LONRF1: variants seen among roughly 807,000 people sequenced by gnomAD.
The protein encoded by LONRF1 is LON peptidase N-terminal domain and RING finger protein 1.
LONRF1 carries 37 observed loss-of-function variants against 85.8 expected under a neutral mutation model. The observed-to-expected ratio is 0.43, with a 90% CI of 0.33 to 0.57. LONRF1 has a LOEUF of 0.57. LONRF1 is among the 20% of genes least tolerant of loss of function. The pLI is 0.04. For synonymous variants in LONRF1, 517 were observed against 390.1 expected, an observed-to-expected ratio of 1.33 and a Z score of -3.83; for missense variants, 1,036 against 978.0, an observed-to-expected ratio of 1.06 and a Z score of -0.79.
In LONRF1 at chr8:12,754,989, G is replaced by A. The variant is rs1799579775; in HGVS notation, c.432C>T (p.Arg144=). 7 of 1,491,830 alleles carry A rather than the reference G, an allele frequency of 4.7e-6. No individual in the cohort carries two copies. Among genetic ancestry groups the A allele is most frequent in the Non-Finnish European group, 6.2e-6 (7 of 1,127,386 alleles). The allele number at this position is 1,491,830 out of a possible 1,614,324, so 92.4% of individuals were successfully genotyped here. The change falls in exon 1 of 12, where the codon CGC becomes CGT. Residue 144 remains arginine (R), a synonymous_variant. Transcript: ENST00000398246. ...CGCGGAGTTCCCTCCGCAGGCAGCGGCGGCAGTAGCTGTGGCCACAGGGCA... is the reference window on the plus strand; with the variant it reads ...CGCGGAGTTCCCTCCGCAGGCAGCGACGGCAGTAGCTGTGGCCACAGGGCA... ...VTVPCGHSYC[R]RCLRRELRAR...
intron 10 of LONRF1, chr8:12,727,191 G>A (rs1486795969): frequency 6.8e-6 from 1 of 147,150 alleles, no homozygotes; most frequent in Non-Finnish European, 1.5e-5. Context: ...GACAGGCTCT[G>A]GTAAACAAGG....
intron 3 of LONRF1, chr8:12,738,729 G>C (rs142788084): frequency 2.0e-5 from 3 of 152,298 alleles, no homozygotes; most frequent in Non-Finnish European, 2.9e-5. Flanking sequence ...GACAGCTGGA[G>C]AATCAAATTT....
rs1326843271 is a variant in LONRF1, at chr8:12,722,054, T to C, written c.*1042A>G. On this transcript the variant is annotated 3_prime_UTR_variant, in exon 12 of 12. Coordinates refer to ENST00000398246, the MANE Select transcript of LONRF1 (RefSeq NM_152271.5). ...ACAAAAGTTTCTAGGGCAGCATGAA[T>C]ATAAACCATGTTGCAGCATGGTGAT... The C allele has an allele frequency of 2.6e-5, 4 of 152,626 alleles. No individual in the cohort carries two copies. Among genetic ancestry groups the C allele is most frequent in the Admixed American group, 2.0e-4 (3 of 15,274 alleles). 9.5% of individuals were successfully genotyped at this position (152,626 alleles called of 1,614,324 possible).
intron 11 of LONRF1, among the ~76,000 whole-genome samples, chr8:12,725,275 C>G (rs1798247167): frequency 6.6e-6 from 1 of 152,022 alleles, no homozygotes; most frequent in Non-Finnish European, 1.5e-5. Context: ...GTGGTTGGGT[C>G]AAATGTTGGG....
rs1799610415 is a variant in LONRF1, at chr8:12,755,478, C to T, written c.-58G>A. 1 of 953,998 alleles carries T rather than the reference C, an allele frequency of 1.0e-6. No individual in the cohort carries two copies. Among genetic ancestry groups the T allele is most frequent in the Non-Finnish European group, 1.3e-6 (1 of 784,456 alleles). The allele number at this position is 953,998 out of a possible 1,614,324, so 59.1% of individuals were successfully genotyped here. A position where few individuals can be genotyped will look rare whatever the true frequency, so the allele number is the denominator to read the frequency against. On this transcript the variant is annotated 5_prime_UTR_variant, in exon 1 of 12. Transcript: ENST00000398246. Reference sequence around the variant, plus strand: ...CGCCACGGTCCCGGAGCCTCCCGGGCGCGCGGCTCCGCACGCGGCCCGCGA... The same window carrying T: ...CGCCACGGTCCCGGAGCCTCCCGGGTGCGCGGCTCCGCACGCGGCCCGCGA...
intron 6 of LONRF1, 45 bp downstream of exon 6, chr8:12,736,656 T>C (rs1408307359): frequency 3.5e-5 from 44 of 1,251,668 alleles, no homozygotes; most frequent in Non-Finnish European, 5.0e-5. Flanking sequence ...ATTTTATGTA[T>C]ACTAACATAA....
chr8:12,736,923 C>A lies in LONRF1; in HGVS notation c.1331G>T (p.Arg444Ile). The change falls in exon 5 of 12, where the codon AGA becomes ATA. Residue 444 changes from arginine (R) to isoleucine (I), a missense_variant. Around this residue, in one of 3 missense-constraint regions of LONRF1, gnomAD observed 742 missense variants for 614.4 expected, o/e 1.21. Transcript: ENST00000398246. ...EQDVIVNEDG[R>I]NKLKKQGETP... ...ACCTCCTTGTTTTTTCAGCTTATTTCTTCCATCTTCATTTACAATCACATC... is the reference window on the plus strand; with the variant it reads ...ACCTCCTTGTTTTTTCAGCTTATTTATTCCATCTTCATTTACAATCACATC... The A allele has an allele frequency of 6.2e-7, 1 of 1,610,330 alleles. No homozygotes were observed. Among genetic ancestry groups the A allele is most frequent in the Non-Finnish European group, 8.5e-7 (1 of 1,178,600 alleles).
intron 3 of LONRF1, among the ~76,000 whole-genome samples, 199 bp from the exon 4 acceptor site, chr8:12,738,343 C>G (rs932944055): frequency 6.6e-6 from 1 of 151,792 alleles, no homozygotes; most frequent in Non-Finnish European, 1.5e-5. Flanking sequence ...TCAAATCACC[C>G]GCAAACAAAT....
intron 3 of LONRF1, among the ~76,000 whole-genome samples, chr8:12,739,200 T>C (rs112589818): frequency 0.025 from 3,849 of 152,014 alleles, 94 homozygotes; most frequent in South Asian, 0.12. Flanking sequence ...AGCAGCTTAG[T>C]TTATATCAGG....
intron 3 of LONRF1, among the ~76,000 whole-genome samples, chr8:12,739,374 A>T (rs1798842939): frequency 6.6e-6 from 1 of 151,864 alleles, no homozygotes; most frequent in Non-Finnish European, 1.5e-5. Context: ...CCCAGACACA[A>T]AACAGTATAT....
intron 8 of LONRF1, among the ~76,000 whole-genome samples, chr8:12,731,333 G>A (rs958090178): frequency 3.9e-5 from 6 of 152,034 alleles, no homozygotes; most frequent in Non-Finnish European, 7.4e-5. Context: ...GCCCCCTTCC[G>A]GGCCTCCATG....
chr8:12,752,432 C>G (rs1164867487), intron 1 of LONRF1, among the ~76,000 whole-genome samples: 1 of 152,146 alleles, frequency 6.6e-6, no homozygotes, highest in Non-Finnish European at 1.5e-5. Context: ...GATTAAAAAA[C>G]TTATCCTCAT....
chr8:12,753,445 G>C (rs1046622586), intron 1 of LONRF1: 1 of 151,998 alleles, frequency 6.6e-6, no homozygotes, highest in Non-Finnish European at 1.5e-5. Context: ...CTTGAAATAC[G>C]CGTAACACAA....
chr8:12,739,826 G>C lies in LONRF1; in HGVS notation c.963+1048C>G, dbSNP rs12156129. On this transcript the variant is annotated intron_variant, in intron 3 of 11. Coordinates refer to ENST00000398246, the MANE Select transcript of LONRF1 (RefSeq NM_152271.5). ...CCAAGAAGATAACACTAACGAACAT[G>C]GAACAGTCAGAAAACAGACAATAGT... 2.7e-3 allele frequency among the ~76,000 whole-genome samples: 404 copies of C among 152,210 alleles called. 3 individuals carry two copies. Among genetic ancestry groups the C allele is most frequent in the Non-Finnish European group, 4.3e-3 (295 of 67,986 alleles).
rs1477424702 is a variant in LONRF1 at position 12,723,009 on chromosome 8, C to G, written c.*87G>C. 3.8e-5 allele frequency: 48 copies of G among 1,248,188 alleles called. No homozygotes were observed. The highest frequency in any genetic ancestry group is 5.0e-5 in the Non-Finnish European group (46 of 916,834). 77.3% of individuals were successfully genotyped at this position (1,248,188 alleles called of 1,614,324 possible). ...AAAAGTTTCATTAAATTTCTGAAACCAGCACTAGATGTGCAAAGGCAGCAG... is the reference window on the plus strand; with the variant it reads ...AAAAGTTTCATTAAATTTCTGAAACGAGCACTAGATGTGCAAAGGCAGCAG... On this transcript the variant is annotated 3_prime_UTR_variant, in exon 12 of 12. Transcript: ENST00000398246.
At chr8:12,726,666 C>G (rs1297165755) in intron 10 of LONRF1, among the ~76,000 whole-genome samples, 1 of 152,218 alleles carries the variant, frequency 6.6e-6, no homozygotes, top group African/African-American at 2.4e-5. Flanking sequence ...TTACATCCCA[C>G]TTGCTACTTG....
At chr8:12,740,560 G>A (rs1798891672) in intron 3 of LONRF1, among the ~76,000 whole-genome samples, 1 of 152,186 alleles carries the variant, frequency 6.6e-6, no homozygotes, top group Non-Finnish European at 1.5e-5. Flanking sequence ...AGGCAGGTCA[G>A]TAAGGCTTCT....
chr8:12,749,687 A>G (rs978447596), intron 1 of LONRF1, among the ~76,000 whole-genome samples: 1 of 152,192 alleles, frequency 6.6e-6, no homozygotes, highest in Non-Finnish European at 1.5e-5. Flanking sequence ...CAGTTTTTTT[A>G]TCATTTATAT....
At chr8:12,746,890 G>C (rs1799179907) in intron 1 of LONRF1, among the ~76,000 whole-genome samples, 1 of 152,192 alleles carries the variant, frequency 6.6e-6, no homozygotes, top group Non-Finnish European at 1.5e-5. Flanking sequence ...ACTCTAGAGA[G>C]TAAGTTAATC....
Sources: gnomAD v4.1 joint callset for allele counts (sites outside exome capture counted in the v4.1 genomes callset) on GRCh38, gnomAD v4.1.1 for gene constraint, gnomAD v4.1.1 regional missense constraint, MANE v1.5 for transcripts, NCBI Gene and HGNC (gene_info 2026-07-23, HGNC 2026-07-21) for gene names.